The following FEZF1 variants were observed in gnomAD, a reference collection of about 807,000 sequenced individuals.
The protein encoded by FEZF1 is FEZ family zinc finger 1, also known as fez family zinc finger protein 1.
In FEZF1, 8 loss-of-function variants were observed where a neutral mutation model predicts 32.4. The observed-to-expected ratio is 0.25, with a 90% CI of 0.15 to 0.45. The LOEUF is 0.45. Among genes scored for constraint, FEZF1 ranks in the 20% least tolerant of loss-of-function variants. FEZF1 has a pLI of 1.00. For synonymous variants in FEZF1, 259 were observed against 265.2 expected, an observed-to-expected ratio of 0.98 and a Z score of 0.23; for missense variants, 546 against 622.3, an observed-to-expected ratio of 0.88 and a Z score of 1.31.
chr7:122,301,946 G>T lies in FEZF1; in HGVS notation c.*51C>A, dbSNP rs1026091732. ...CTCGGACCAGGAGCTCTAGTCTGCC[G>T]CTGCCTCAGCGTGGGGGCACGGCTG... On this transcript the variant is annotated 3_prime_UTR_variant, in exon 4 of 4. Transcript: ENST00000442488. 1.0e-5 allele frequency: 16 copies of T among 1,538,406 alleles called. No individual in the cohort carries two copies. Among genetic ancestry groups the T allele is most frequent in the Non-Finnish European group, 1.4e-5 (16 of 1,155,382 alleles).
In FEZF1 at chr7:122,303,619, G is replaced by A; in HGVS notation, c.801+18C>T. 1 of 1,601,210 alleles carries A rather than the reference G, an allele frequency of 6.2e-7. No individual in the cohort carries two copies. Among genetic ancestry groups the A allele is most frequent in the Non-Finnish European group, 8.5e-7 (1 of 1,171,088 alleles). On this transcript the variant is annotated intron_variant, in intron 1 of 3. Transcript: ENST00000442488. Reference sequence around the variant, plus strand: ...GAAGGGAGGGAAGGAAAGGATCTCCGTTTTGCATTGTACTTGCCTTTCCAC... The same window carrying A: ...GAAGGGAGGGAAGGAAAGGATCTCCATTTTGCATTGTACTTGCCTTTCCAC...
upstream of FEZF1, chr7:122,307,315 C>T (rs1225494627): frequency 6.6e-6 from 1 of 152,432 alleles, no homozygotes; most frequent in Admixed American, 6.5e-5. Flanking sequence ...AAAAATCCCC[C>T]TCCTGCTGCA....
Position 122,302,577 on chromosome 7 carries a change from C to G in FEZF1, c.1069+222G>C, listed in dbSNP as rs2031083204. 6.6e-6 allele frequency among the ~76,000 whole-genome samples: 1 copy of G among 152,144 alleles called. No individual in the cohort carries two copies. The highest frequency in any genetic ancestry group is 1.5e-5 in the Non-Finnish European group (1 of 68,018). The stretch of plus-strand genomic sequence containing the variant: ...TCCTTAAATTTTAATACACATTTAT[C>G]AGTCCAATTACATACAATGAGAGCA... On this transcript the variant is annotated intron_variant, in intron 3 of 3. Transcript: ENST00000442488. This position sits in a 1 kb window ranked among gnomAD's most constrained non-coding sequence, Gnocchi z 4.4.
rs144032772 is a variant in FEZF1, at chr7:122,302,388, G to GAA, written c.1070-35_1070-34dup. On this transcript the variant is annotated intron_variant, in intron 3 of 3. Coordinates refer to ENST00000442488, the MANE Select transcript of FEZF1 (RefSeq NM_001024613.4). This position sits in a 1 kb window ranked among gnomAD's most constrained non-coding sequence, Gnocchi z 4.4. The stretch of plus-strand genomic sequence containing the variant: ...ACACAAATGACAGGAATATGGTTCT[G>GAA]AAAAAAAAAATAGCTTAAAAAGGGA... 1.3e-6 allele frequency: 2 copies of GAA among 1,515,368 alleles called. No homozygotes were observed. Among genetic ancestry groups the GAA allele is most frequent in the Non-Finnish European group, 9.0e-7 (1 of 1,113,288 alleles). 93.9% of individuals were successfully genotyped at this position (1,515,368 alleles called of 1,614,324 possible). A position where few individuals can be genotyped will look rare whatever the true frequency, so the allele number is the denominator to read the frequency against.
At position 122,302,103 on chromosome 7, in the gene FEZF1, G is replaced by T. The variant is rs144474907; in HGVS notation, c.1322C>A (p.Pro441Gln). 12 of 1,612,010 alleles carry T rather than the reference G, an allele frequency of 7.4e-6. No individual in the cohort carries two copies. In the East Asian group the frequency reaches 2.7e-4, roughly 36 times the overall value. Reference protein sequence around the residue: ...RTPAGEPGTEPPPPLPQQPPM... With the variant: ...RTPAGEPGTEQPPPLPQQPPM... ...CGGCTGCTGCGGTAGCGGGGGCGGC[G>T]GTTCAGTGCCTGGTTCGCCAGCTGG... is the stretch of plus-strand genomic sequence containing the variant. The change falls in exon 4 of 4, where the codon CCG becomes CAG. Residue 441 changes from proline (P) to glutamine (Q), a missense_variant. Pro to Gln is a moderately conservative substitution (Grantham distance 76). This residue lies in a region of FEZF1 where 83 missense variants were observed against 73.0 expected (regional missense o/e 1.14). Coordinates refer to ENST00000442488, the MANE Select transcript of FEZF1 (RefSeq NM_001024613.4). This position sits in a 1 kb window ranked among gnomAD's most constrained non-coding sequence, Gnocchi z 4.4.
Position 122,302,035 on chromosome 7 carries a change from C to A in FEZF1, c.1390G>T (p.Gly464Trp). The change falls in exon 4 of 4, where the codon GGG (glycine) becomes TGG (tryptophan). Residue 464 changes from glycine to tryptophan, a missense_variant. Gly to Trp is a radical substitution (Grantham distance 184). Around this residue, in one of 3 missense-constraint regions of FEZF1, gnomAD observed 83 missense variants for 73.0 expected, o/e 1.14. Transcript: ENST00000442488. The surrounding 1 kb of genome is among the most constrained non-coding windows in gnomAD (Gnocchi z 4.4). ...PPLQPPLPTP[G>W]PLQPGLHQGH... ...TGGTGGAGCCCGGGCTGCAGGGGCC[C>A]CGGGGTTGGCAGCGGCGGCTGCAGA... 1 of 1,601,138 alleles carries A rather than the reference C, an allele frequency of 6.2e-7. No individual in the cohort carries two copies. The highest frequency in any genetic ancestry group is 8.5e-7 in the Non-Finnish European group (1 of 1,178,360).
chr7:122,302,230 G>T lies in FEZF1; in HGVS notation c.1195C>A (p.Pro399Thr), dbSNP rs2031069577. The stretch of plus-strand genomic sequence containing the variant: ...TTGCCGCACGTGGGGCAGGTGAAAG[G>T]CTTCTTGTCGTTGTGGGTGTGCATG... ...FHMHTHNDKK[P>T]FTCPTCGKGF... Residue 399 changes from proline to threonine, a missense_variant, in exon 4 of 4, where the codon CCT (proline) becomes ACT (threonine). By Grantham distance (38) the Pro-to-Thr change is conservative. Coordinates refer to ENST00000442488, the MANE Select transcript of FEZF1 (RefSeq NM_001024613.4). The surrounding 1 kb of genome is among the most constrained non-coding windows in gnomAD (Gnocchi z 4.4). 1 of 1,614,190 alleles carries T rather than the reference G, an allele frequency of 6.2e-7. No individual in the cohort carries two copies. The highest frequency in any genetic ancestry group is 1.7e-5 in the Admixed American group (1 of 60,018).
At chr7:122,303,512 AGG>A in intron 1 of FEZF1, 123 bp downstream of exon 1, 2 of 501,540 alleles carry the variant, frequency 4.0e-6, no homozygotes, top group East Asian at 7.1e-5. Context: ...GAAGGAAGGA[AGG>A]AAGGAAGGAA....
chr7:122,303,576 G>GGAAA, intron 1 of FEZF1, 61 bp downstream of exon 1: 1 of 1,057,204 alleles, frequency 9.5e-7, no homozygotes, highest in Non-Finnish European at 1.4e-6. Context: ...GAGGGAGGGA[G>GGAAA]GGAAGGAAGG....
In FEZF1 at chr7:122,304,536, T is replaced by C; in HGVS notation, c.-99A>G. 2.0e-6 allele frequency: 2 copies of C among 1,000,868 alleles called. No homozygotes were observed. Among genetic ancestry groups the C allele is most frequent in the Non-Finnish European group, 2.8e-6 (2 of 705,170 alleles). 62.0% of individuals were successfully genotyped at this position (1,000,868 alleles called of 1,614,324 possible). ...CCTGCGGAGAGGGGGACGGGCACCA[T>C]CACCACCAGTAGCCTCCTCCTCCTC... On this transcript the variant is annotated 5_prime_UTR_variant, in exon 1 of 4. It removes an upstream start codon present in the reference 5' UTR. Coordinates refer to ENST00000442488, the MANE Select transcript of FEZF1 (RefSeq NM_001024613.4).
Position 122,302,070 on chromosome 7 carries a change from G to A in FEZF1, c.1355C>T (p.Thr452Met). The part of the protein sequence containing the change: ...PPPLPQQPPM[T>M]LPPLQPPLPT... ...CAGCGGCGGCTGCAGAGGAGGCAGC[G>A]TCATCGGCGGCTGCTGCGGTAGCGG... is the stretch of plus-strand genomic sequence containing the variant. The change falls in exon 4 of 4, where the codon ACG (threonine) becomes ATG (methionine). Residue 452 changes from threonine to methionine, a missense_variant. Thr to Met is a moderately conservative substitution (Grantham distance 81). Around this residue, in one of 3 missense-constraint regions of FEZF1, gnomAD observed 83 missense variants for 73.0 expected, o/e 1.14. Coordinates refer to ENST00000442488, the MANE Select transcript of FEZF1 (RefSeq NM_001024613.4). The surrounding 1 kb of genome is among the most constrained non-coding windows in gnomAD (Gnocchi z 4.4). The A allele has an allele frequency of 6.2e-7, 1 of 1,607,082 alleles. No individual in the cohort carries two copies. The highest frequency in any genetic ancestry group is 8.5e-7 in the Non-Finnish European group (1 of 1,178,634).
chr7:122,303,535 A>ACGG, intron 1 of FEZF1, 102 bp downstream of exon 1: 2 of 378,292 alleles, frequency 5.3e-6, no homozygotes, highest in Non-Finnish European at 9.4e-6. Flanking sequence ...GGAAGGAAGG[A>ACGG]AGGAGGGAGG....
chr7:122,302,779 A>ACAG lies in FEZF1; in HGVS notation c.1069+19_1069+20insCTG, dbSNP rs2150613150. ...CTTTTCATAAGACTAACCATGAGAG[A>ACAG]CATTTCCTGGTTTGCATACCTTTTT... On this transcript the variant is annotated intron_variant, in intron 3 of 3. Transcript: ENST00000442488. The surrounding 1 kb of genome is among the most constrained non-coding windows in gnomAD (Gnocchi z 4.4). The ACAG allele has an allele frequency of 4.1e-6, 6 of 1,460,420 alleles. No individual in the cohort carries two copies. The highest frequency in any genetic ancestry group is 5.4e-6 in the Non-Finnish European group (6 of 1,110,754). The allele number at this position is 1,460,420 out of a possible 1,614,324, so 90.5% of individuals were successfully genotyped here.
In FEZF1 at chr7:122,302,879, G is replaced by A. The variant is rs200646623; in HGVS notation, c.989C>T (p.Thr330Ile). 6.2e-7 allele frequency: 1 copy of A among 1,613,878 alleles called. No homozygotes were observed. Among genetic ancestry groups the A allele is most frequent in the South Asian group, 1.1e-5 (1 of 90,948 alleles). ...QCGKAFNRSSTLNTHTRIHAG... is the reference protein window; with the variant it reads ...QCGKAFNRSSILNTHTRIHAG... The stretch of plus-strand genomic sequence containing the variant: ...GTGTATTCGGGTATGAGTGTTTAAA[G>A]TGGAACTTCTATTAAATGCTTTGCC... The change falls in exon 3 of 4, where the codon ACT becomes ATT. Residue 330 changes from threonine to isoleucine, a missense_variant. Physicochemically the swap from Thr to Ile is moderately conservative, Grantham distance 89 (BLOSUM62 -1). Transcript: ENST00000442488. This position sits in a 1 kb window ranked among gnomAD's most constrained non-coding sequence, Gnocchi z 4.4.
Position 122,304,341 on chromosome 7 carries a change from T to C in FEZF1, c.97A>G (p.Ile33Val), listed in dbSNP as rs564104627. ...GGGGTGCGCGCCATGATTCGTTCAA[T>C]GGAGAAAGCCAAGGGTTTGGACGTG... The part of the protein sequence containing the change: ...MSTSKPLAFS[I>V]ERIMARTPEP... Residue 33 changes from isoleucine to valine, a missense_variant, in exon 1 of 4, where the codon ATT becomes GTT. Physicochemically the swap from Ile to Val is conservative, Grantham distance 29. Transcript: ENST00000442488. The C allele has an allele frequency of 6.2e-7, 1 of 1,612,912 alleles. No individual in the cohort carries two copies. The highest frequency in any genetic ancestry group is 1.1e-5 in the South Asian group (1 of 90,922).
upstream of FEZF1, chr7:122,306,446 T>C (rs367656430): frequency 2.0e-5 from 3 of 152,204 alleles, no homozygotes; most frequent in African/African-American, 7.2e-5. Context: ...GATGCGAAAC[T>C]GGACCTTAAA....
At chr7:122,307,634 G>A (rs919169227), upstream of FEZF1, 1 of 152,334 alleles carries the variant, frequency 6.6e-6, no homozygotes, top group African/African-American at 2.4e-5. Flanking sequence ...TGCATGCTTT[G>A]TATAGTTTAT....
chr7:122,309,544 C>T (rs1230516819), upstream of FEZF1: 2 of 151,992 alleles, frequency 1.3e-5, no homozygotes, highest in Admixed American at 1.3e-4. Flanking sequence ...TGTTTCTGAC[C>T]CTCCACTAAT....
upstream of FEZF1, chr7:122,309,750 T>C (rs1307337053): frequency 1.3e-5 from 2 of 152,152 alleles, no homozygotes; most frequent in African/African-American, 4.8e-5. Flanking sequence ...CTTACAAGGG[T>C]GTTACTGAAA....
Sources: gnomAD v4.1 joint callset for allele counts (sites outside exome capture counted in the v4.1 genomes callset) on GRCh38, gnomAD v4.1.1 for gene constraint, gnomAD v4.1.1 regional missense constraint, Gnocchi (gnomAD v3.1) non-coding constraint, MANE v1.5 for transcripts, NCBI Gene and HGNC (gene_info 2026-07-23, HGNC 2026-07-21) for gene names.